FABP12: variants seen among roughly 807,000 people sequenced by gnomAD.
FABP12 encodes fatty acid-binding protein 12.
In FABP12, 19 loss-of-function variants were observed where a neutral mutation model predicts 13.7. The ratio of observed to expected loss-of-function variants is 1.39; its 90% CI spans 0.97 to 2.04. FABP12 has a LOEUF of 2.04. Among genes scored for constraint, FABP12 ranks in the 30% most tolerant of loss-of-function variants. FABP12 has a pLI of 0.00. For missense variants in FABP12, 182 were observed against 164.2 expected (o/e 1.11, Z -0.59); for synonymous variants, 61 against 57.0 (o/e 1.07, Z -0.32).
chr8:81,535,915 T>C (rs998464954), upstream of FABP12, among the ~76,000 whole-genome samples: 5 of 152,162 alleles, frequency 3.3e-5, no homozygotes, highest in African/African-American at 1.2e-4. Context: ...CTTCTTTTGA[T>C]TGTATGTATG....
chr8:81,560,182 G>A (rs1809699110), intron 1 of FABP12, among the ~76,000 whole-genome samples: 1 of 152,186 alleles, frequency 6.6e-6, no homozygotes, highest in South Asian at 2.1e-4. Context: ...AATAAAGAAT[G>A]TCAACTGAAG....
rs777456032 is a variant in FABP12, at chr8:81,529,376, C to T, written c.246+62G>A. 21 of 1,526,316 alleles carry T rather than the reference C, an allele frequency of 1.4e-5. No homozygotes were observed. The Admixed American group carries it at 2.3e-4, about 17-fold the overall frequency. The allele number at this position is 1,526,316 out of a possible 1,614,324, so 94.5% of individuals were successfully genotyped here. A position where few individuals can be genotyped will look rare whatever the true frequency, so the allele number is the denominator to read the frequency against. ...ATGTTTGCTAGAATTGCTTACTTAC[C>T]GAGGATGATATCTGACTAACATTCT... On this transcript the variant is annotated intron_variant, in intron 3 of 4. Transcript: ENST00000360464.
At chr8:81,574,925 T>C (rs951431048) in intron 1 of FABP12, among the ~76,000 whole-genome samples, 57 of 96,780 alleles carry the variant, frequency 5.9e-4, no homozygotes, top group African/African-American at 2.0e-3. Context: ...ATCTTTTGTA[T>C]TTTTTTTTTT....
chr8:81,568,860 G>T (rs2130066347), intron 1 of FABP12, among the ~76,000 whole-genome samples: 1 of 152,302 alleles, frequency 6.6e-6, no homozygotes, highest in African/African-American at 2.4e-5. Context: ...GTCAGGCACA[G>T]AAAGACAAAT....
chr8:81,568,143 A>AAG (rs1809862872), intron 1 of FABP12, among the ~76,000 whole-genome samples: 1 of 152,020 alleles, frequency 6.6e-6, no homozygotes, highest in East Asian at 1.9e-4. Flanking sequence ...AAAAAAAAAA[A>AAG]AAGTTTCCAC....
intron 1 of FABP12, among the ~76,000 whole-genome samples, chr8:81,547,752 C>A (rs1364602314): frequency 6.6e-6 from 1 of 152,176 alleles, no homozygotes; most frequent in African/African-American, 2.4e-5. Context: ...CTGCCAGTGT[C>A]AGAAATAGGA....
intron 1 of FABP12, among the ~76,000 whole-genome samples, chr8:81,556,513 A>C (rs1404159742): frequency 6.6e-6 from 1 of 151,930 alleles, no homozygotes; most frequent in Non-Finnish European, 1.5e-5. Context: ...AACATTGGGG[A>C]ATAATAATAA....
At chr8:81,580,119 G>A (rs1259575336) in intron 1 of FABP12, among the ~76,000 whole-genome samples, 3 of 152,180 alleles carry the variant, frequency 2.0e-5, no homozygotes, top group Non-Finnish European at 4.4e-5. Flanking sequence ...GTCAGCTCCT[G>A]TAGAGCTCCA....
chr8:81,526,899 C>T, intron 4 of FABP12, 121 bp downstream of exon 4: 6 of 598,902 alleles, frequency 1.0e-5, no homozygotes, highest in South Asian at 4.8e-5. Flanking sequence ...TAATTTTTTT[C>T]TCATTCTTTA....
intron 1 of FABP12, among the ~76,000 whole-genome samples, chr8:81,541,426 A>T (rs1293363555): frequency 5.9e-5 from 9 of 152,258 alleles, no homozygotes; most frequent in African/African-American, 2.2e-4. Flanking sequence ...TGGACCTGAA[A>T]TACATATCAG....
At chr8:81,536,720 T>C (rs900102755), upstream of FABP12, among the ~76,000 whole-genome samples, 3 of 152,210 alleles carry the variant, frequency 2.0e-5, no homozygotes, top group Non-Finnish European at 2.9e-5. Flanking sequence ...AGCAATATAA[T>C]ACACAGCTGG....
At chr8:81,548,034 T>C (rs1042084275) in intron 1 of FABP12, among the ~76,000 whole-genome samples, 2 of 152,174 alleles carry the variant, frequency 1.3e-5, no homozygotes, top group African/African-American at 4.8e-5. Flanking sequence ...ACCAGAGATA[T>C]ACCATGATAC....
At chr8:81,556,596 G>A (rs544146865) in intron 1 of FABP12, among the ~76,000 whole-genome samples, 1 of 151,340 alleles carries the variant, frequency 6.6e-6, no homozygotes, top group Admixed American at 6.6e-5. Context: ...TTCTTCAAAA[G>A]AATAAAAATA....
upstream of FABP12, among the ~76,000 whole-genome samples, chr8:81,536,523 G>A (rs1809226266): frequency 6.6e-6 from 1 of 152,172 alleles, no homozygotes; most frequent in Admixed American, 6.5e-5. Context: ...GGAGAACTCA[G>A]GCCTTACTCA....
At chr8:81,537,571 G>A (rs1301033131), upstream of FABP12, among the ~76,000 whole-genome samples, 1 of 152,168 alleles carries the variant, frequency 6.6e-6, no homozygotes, top group African/African-American at 2.4e-5. Flanking sequence ...TTTAAGTGCT[G>A]TGGCAAACAA....
upstream of FABP12, among the ~76,000 whole-genome samples, chr8:81,535,247 T>G (rs906420765): frequency 6.6e-5 from 10 of 152,272 alleles, no homozygotes; most frequent in Admixed American, 3.9e-4. Flanking sequence ...AGTCTTAAAG[T>G]CCTTTTGAGT....
chr8:81,560,277 C>T (rs536511483), intron 1 of FABP12, among the ~76,000 whole-genome samples: 2 of 152,302 alleles, frequency 1.3e-5, no homozygotes, highest in African/African-American at 4.8e-5. Context: ...CTATTTTCCT[C>T]ATACTTTTTT....
chr8:81,537,025 T>C (rs1809238902), upstream of FABP12, among the ~76,000 whole-genome samples: 2 of 152,218 alleles, frequency 1.3e-5, no homozygotes, highest in African/African-American at 4.8e-5. Context: ...ACAACTACTA[T>C]AGGCTTTCTT....
chr8:81,561,029 T>G (rs963660069), intron 1 of FABP12, among the ~76,000 whole-genome samples: 1 of 152,202 alleles, frequency 6.6e-6, no homozygotes, highest in African/African-American at 2.4e-5. Context: ...CACTCTATGT[T>G]TGTATCACAT....
Sources: allele counts gnomAD v4.1 joint callset (sites outside exome capture counted in the v4.1 genomes callset), GRCh38; gene constraint gnomAD v4.1.1; transcripts MANE v1.5; gene names NCBI Gene and HGNC (gene_info 2026-07-23, HGNC 2026-07-21).